The following CACNA1I variants were observed in gnomAD, a reference collection of about 807,000 sequenced individuals.
CACNA1I encodes calcium voltage-gated channel subunit alpha1 I.
In CACNA1I, 74 loss-of-function variants were observed where a neutral mutation model predicts 201.6. That is an observed-to-expected ratio of 0.37 (90% CI 0.30 to 0.45). CACNA1I has a LOEUF of 0.45. Ranked by LOEUF, CACNA1I falls within the 20% of genes least tolerant of loss-of-function variation. CACNA1I has a pLI of 1.00. For synonymous variants in CACNA1I, 1,431 were observed against 1,345.2 expected, an observed-to-expected ratio of 1.06 and a Z score of -1.40; for missense variants, 2,346 against 3,138.1, an observed-to-expected ratio of 0.75 and a Z score of 6.03.
chr22:39,575,993 T>C (rs1185421342), intron 1 of CACNA1I, among the ~76,000 whole-genome samples: 1 of 152,122 alleles, frequency 6.6e-6, no homozygotes, highest in Non-Finnish European at 1.5e-5. Flanking sequence ...CAGGCTGGTC[T>C]TGAACTCCTG....
Position 39,662,314 on chromosome 22 carries a change from C to G in CACNA1I, c.3251C>G (p.Ala1084Gly), listed in dbSNP as rs1935048726. 2.7e-6 allele frequency: 4 copies of G among 1,479,668 alleles called. No homozygotes were observed. In the African/African-American group the frequency reaches 5.9e-5, roughly 22 times the overall value. 91.7% of individuals were successfully genotyped at this position (1,479,668 alleles called of 1,614,324 possible). A position where few individuals can be genotyped will look rare whatever the true frequency, so the allele number is the denominator to read the frequency against. The change falls in exon 17 of 37, where the codon GCG becomes GGG. Residue 1084 changes from alanine to glycine, a missense_variant. Ala to Gly is a moderately conservative substitution (Grantham distance 60). Coordinates refer to ENST00000402142, the MANE Select transcript of CACNA1I (RefSeq NM_021096.4). ...VGAHPRAAWR[A>G]AGPAPGHEDC... is the part of the protein sequence containing the mutation. The stretch of plus-strand genomic sequence containing the variant: ...GCCCACCCCCGGGCCGCCTGGAGGG[C>G]GGCAGGCCCGGCCCCCGGGCATGAG...
chr22:39,610,281 C>G (rs533187132), intron 3 of CACNA1I, among the ~76,000 whole-genome samples: 1 of 152,180 alleles, frequency 6.6e-6, no homozygotes, highest in Non-Finnish European at 1.5e-5. Flanking sequence ...GTGGAGGCAT[C>G]ATTACATGTT....
chr22:39,577,740 GA>G (rs539950687), intron 1 of CACNA1I, among the ~76,000 whole-genome samples: 31 of 152,366 alleles, frequency 2.0e-4, no homozygotes, highest in African/African-American at 7.0e-4. Flanking sequence ...AGGGCCTGGA[GA>G]GGGGGCTTGG....
chr22:39,664,710 G>C, intron 20 of CACNA1I, 29 bp from the exon 21 acceptor site: 2 of 747,856 alleles, frequency 2.7e-6, no homozygotes, highest in Non-Finnish European at 4.0e-6. Context: ...TCCCGCGGCA[G>C]CCTGACCCCG....
At chr22:39,599,244 A>G (rs62228488) in intron 2 of CACNA1I, among the ~76,000 whole-genome samples, 136,231 of 148,330 alleles carry the variant, frequency 0.92, 62,736 homozygotes, top group Middle Eastern at 0.96. Flanking sequence ...CACTGTGCCC[A>G]GCCTCTGCCT....
chr22:39,646,555 C>G lies in CACNA1I; in HGVS notation c.1150-14C>G. The G allele has an allele frequency of 2.0e-6, 3 of 1,529,616 alleles. No homozygotes were observed. The highest frequency in any genetic ancestry group is 1.8e-6 in the Non-Finnish European group (2 of 1,134,568). The allele number at this position is 1,529,616 out of a possible 1,614,324, so 94.8% of individuals were successfully genotyped here. ...CCTGTCCCTGTCCCTGTCCTCTCCT[C>G]CCGTTGGTCACAGGTGGGCTCCTTC... On this transcript the variant is annotated splice_polypyrimidine_tract_variant and intron_variant, in intron 7 of 36. Transcript: ENST00000402142.
intron 3 of CACNA1I, among the ~76,000 whole-genome samples, chr22:39,603,281 C>T (rs1035485696): frequency 6.6e-6 from 1 of 152,174 alleles, no homozygotes; most frequent in African/African-American, 2.4e-5. Context: ...TTTCTGTCCT[C>T]TATCTTTTGT....
chr22:39,661,273 T>C lies in CACNA1I; in HGVS notation c.2864T>C (p.Met955Thr), dbSNP rs912148861. 4.4e-6 allele frequency: 7 copies of C among 1,604,174 alleles called. No individual in the cohort carries two copies. In the Admixed American group the frequency reaches 1.0e-4, roughly 23 times the overall value. The change falls in exon 16 of 37, where the codon ATG (methionine) becomes ACG (threonine). Residue 955 changes from methionine (M) to threonine (T), a missense_variant. Met to Thr is a moderately conservative substitution (Grantham distance 81, BLOSUM62 -1). This residue lies in a region of CACNA1I where 288 missense variants were observed against 255.2 expected (regional missense o/e 1.13). Coordinates refer to ENST00000402142, the MANE Select transcript of CACNA1I (RefSeq NM_021096.4). ...CTGGGCTCCCGAAAGAGCAGTGTCA[T>C]GTCTCTAGGGAGGATGAGCTATGAC... ...VALGSRKSSV[M>T]SLGRMSYDQR...
In CACNA1I at chr22:39,685,762, C is replaced by A. The variant is rs958473922; in HGVS notation, c.6029C>A (p.Ala2010Asp). 7.3e-5 allele frequency: 108 copies of A among 1,479,196 alleles called. No individual in the cohort carries two copies. In the African/African-American group the frequency reaches 1.4e-3, roughly 20 times the overall value. The allele number at this position is 1,479,196 out of a possible 1,614,324, so 91.6% of individuals were successfully genotyped here. Residue 2010 changes from alanine to aspartate, a missense_variant and splice_region_variant, in exon 37 of 37, where the codon GCC becomes GAC. Around this residue, in one of 13 missense-constraint regions of CACNA1I, gnomAD observed 441 missense variants for 555.6 expected, o/e 0.79. Transcript: ENST00000402142. The surrounding 1 kb of genome is among the most constrained non-coding windows in gnomAD (Gnocchi z 5.0). Reference sequence around the variant, plus strand: ...TCCACGGCTCCCACCTCCCCCCAGGCCACCGGGAGCGACACGTCGCTGGAC... The same window carrying A: ...TCCACGGCTCCCACCTCCCCCCAGGACACCGGGAGCGACACGTCGCTGGAC... The part of the protein sequence containing the change: ...PRVNCTLLRQ[A>D]TGSDTSLDAS...
rs1934508983 is a variant in CACNA1I, at chr22:39,646,844, C to T, written c.1425C>T (p.Ala475=). 1 of 1,526,448 alleles carries T rather than the reference C, an allele frequency of 6.6e-7. No individual in the cohort carries two copies. Among genetic ancestry groups the T allele is most frequent in the South Asian group, 1.2e-5 (1 of 81,122 alleles). 94.6% of individuals were successfully genotyped at this position (1,526,448 alleles called of 1,614,324 possible). A position where few individuals can be genotyped will look rare whatever the true frequency, so the allele number is the denominator to read the frequency against. ...QALGPEAPAP[A]KPGPHAKEPR... is the part of the protein sequence containing the mutation. ...TGGGCCCGGAGGCCCCGGCCCCCGC[C>T]AAACCTGGGCCCCACGCCAAGGAGC... Residue 475 remains alanine (A), a synonymous_variant, in exon 8 of 37, where the codon GCC becomes GCT. Coordinates refer to ENST00000402142, the MANE Select transcript of CACNA1I (RefSeq NM_021096.4).
chr22:39,634,847 T>A, intron 5 of CACNA1I, 123 bp downstream of exon 5: 1 of 893,392 alleles, frequency 1.1e-6, no homozygotes, highest in Non-Finnish European at 1.7e-6. Context: ...AGAGGTCAGG[T>A]AGGAGGGGAA....
In CACNA1I at chr22:39,598,272, C is replaced by CCGCCA. The variant is rs1932936749; in HGVS notation, c.348+14_348+15insACGCC. ...CTGCAAGATCCTGCAGGTGAGCCGG[C>CCGCCA]CGCCCCGCCCCGCCCCGCCCTGCCC... On this transcript the variant is annotated intron_variant, in intron 2 of 36. Transcript: ENST00000402142. The CCGCCA allele has an allele frequency of 1.5e-6, 2 of 1,296,342 alleles. No individual in the cohort carries two copies. The highest frequency in any genetic ancestry group is 2.1e-6 in the Non-Finnish European group (2 of 960,250). 80.3% of individuals were successfully genotyped at this position (1,296,342 alleles called of 1,614,324 possible).
intron 4 of CACNA1I, among the ~76,000 whole-genome samples, chr22:39,631,435 G>T (rs772478037): frequency 2.0e-4 from 31 of 152,246 alleles, no homozygotes; most frequent in Non-Finnish European, 3.5e-4. Context: ...GCCTGAAAAG[G>T]TGCACTAAGA....
At position 39,658,944 on chromosome 22, in the gene CACNA1I, G is replaced by A. The variant is rs1393241504; in HGVS notation, c.2158G>A (p.Val720Met). 3.7e-5 allele frequency: 59 copies of A among 1,598,920 alleles called. No individual in the cohort carries two copies. Among genetic ancestry groups the A allele is most frequent in the South Asian group, 7.9e-5 (7 of 88,504 alleles). ...IIVIISIWEI[V>M]GQADGGLSVL... ...GCGGGACCGCAGCATCTGGGAGATT[G>A]TGGGGCAGGCGGACGGTGGGCTGTC... is the stretch of plus-strand genomic sequence containing the variant. The change falls in exon 12 of 37, where the codon GTG becomes ATG. Residue 720 changes from valine (V) to methionine (M), a missense_variant. Transcript: ENST00000402142.
At chr22:39,576,846 C>T (rs552864290) in intron 1 of CACNA1I, among the ~76,000 whole-genome samples, 1 of 152,242 alleles carries the variant, frequency 6.6e-6, no homozygotes, top group African/African-American at 2.4e-5. Context: ...CTGGTTCTCT[C>T]CTGACCGCGC....
At position 39,677,269 on chromosome 22, in the gene CACNA1I, T is replaced by C; in HGVS notation, c.4855-72T>C. On this transcript the variant is annotated intron_variant, in intron 29 of 36. Coordinates refer to ENST00000402142, the MANE Select transcript of CACNA1I (RefSeq NM_021096.4). The surrounding 1 kb of genome is among the most constrained non-coding windows in gnomAD (Gnocchi z 4.8). ...GCTGCCCAACCCCACTGCCCCAGCC[T>C]CCACCCTTCCCAGGCCTGGTGCGCC... The C allele has an allele frequency of 9.6e-7, 1 of 1,042,014 alleles. No homozygotes were observed. 64.5% of individuals were successfully genotyped at this position (1,042,014 alleles called of 1,614,324 possible).
In CACNA1I at chr22:39,592,311, T is replaced by TG. The variant is rs1334805594; in HGVS notation, c.237-5836dup. Among the ~76,000 whole-genome samples, 6 of 152,280 alleles carry TG rather than the reference T, an allele frequency of 3.9e-5. No homozygotes were observed. The East Asian group carries it at 1.2e-3, about 29-fold the overall frequency. On this transcript the variant is annotated intron_variant, in intron 1 of 36. Coordinates refer to ENST00000402142, the MANE Select transcript of CACNA1I (RefSeq NM_021096.4). ...TGGTACTGTGGCTGTGCCGAGTGTGTGGGGAAACGCGGAGGGTTTCCGTGT... is the reference window on the plus strand; with the variant it reads ...TGGTACTGTGGCTGTGCCGAGTGTGTGGGGGAAACGCGGAGGGTTTCCGTGT...
In CACNA1I at chr22:39,645,836, A is replaced by G. The variant is rs554595631; in HGVS notation, c.1150-733A>G. ...GGGCCACAAGGAGATGGGATCCCCA[A>G]TGCCAACCAGGGCAGCCTCTCCCCC... is the stretch of plus-strand genomic sequence containing the variant. On this transcript the variant is annotated intron_variant, in intron 7 of 36. Transcript: ENST00000402142. Among the ~76,000 whole-genome samples, 22 of 152,320 alleles carry G rather than the reference A, an allele frequency of 1.4e-4. No homozygotes were observed. The South Asian group carries it at 3.3e-3, about 23-fold the overall frequency.
intron 1 of CACNA1I, among the ~76,000 whole-genome samples, chr22:39,595,983 C>A (rs1017645855): frequency 1.3e-5 from 2 of 149,324 alleles, no homozygotes; most frequent in African/African-American, 5.0e-5. Flanking sequence ...GGAGACTTCT[C>A]AGAGGAGGTG....
Sources: gnomAD v4.1 joint callset for allele counts (sites outside exome capture counted in the v4.1 genomes callset) on GRCh38, gnomAD v4.1.1 for gene constraint, gnomAD v4.1.1 regional missense constraint, Gnocchi (gnomAD v3.1) non-coding constraint, MANE v1.5 for transcripts, NCBI Gene and HGNC (gene_info 2026-07-23, HGNC 2026-07-21) for gene names.